Variants in CPA6 observed in about 807,000 individuals in gnomAD.
CPA6 encodes carboxypeptidase B.
Under a neutral mutation model 63.3 loss-of-function variants are expected in CPA6, and 58 were observed. The ratio of observed to expected loss-of-function variants is 0.92; its 90% CI spans 0.74 to 1.14. The LOEUF (loss-of-function observed/expected upper bound fraction) is 1.14, where lower values mean the gene tolerates loss of function less well. CPA6 is among the 50% of genes most tolerant of loss of function. The pLI is 0.00. For missense variants in CPA6, 565 were observed against 526.6 expected, an observed-to-expected ratio of 1.07 and a Z score of -0.71; for synonymous variants, 185 against 179.0, an observed-to-expected ratio of 1.03 and a Z score of -0.27.
At chr8:67,449,583 G>A (rs943338824) in intron 8 of CPA6, among the ~76,000 whole-genome samples, 15 of 152,030 alleles carry the variant, frequency 9.9e-5, no homozygotes, top group African/African-American at 1.9e-4. Flanking sequence ...ATATTGAGTC[G>A]TCCTATCCAA....
chr8:67,425,011 C>G (rs771625012), intron 10 of CPA6, among the ~76,000 whole-genome samples: 4 of 152,156 alleles, frequency 2.6e-5, no homozygotes, highest in Non-Finnish European at 4.4e-5. Flanking sequence ...GTGCCTCAGT[C>G]TCCCTTTTTG....
At chr8:67,440,951 A>T (rs1203319590) in intron 8 of CPA6, among the ~76,000 whole-genome samples, 3 of 152,168 alleles carry the variant, frequency 2.0e-5, no homozygotes, top group Non-Finnish European at 4.4e-5. Flanking sequence ...TATTGTAAGG[A>T]CAACTCACTG....
intron 6 of CPA6, among the ~76,000 whole-genome samples, chr8:67,491,991 T>G (rs1811616310): frequency 1.3e-5 from 2 of 152,346 alleles, no homozygotes; most frequent in East Asian, 3.9e-4. Context: ...TGTCCTTGTT[T>G]CCCGGTGATA....
intron 1 of CPA6, among the ~76,000 whole-genome samples, chr8:67,716,176 A>AT (rs1817377060): frequency 7.2e-6 from 1 of 138,668 alleles, no homozygotes; most frequent in Non-Finnish European, 1.6e-5. Flanking sequence ...AAAAAAAAAA[A>AT]AGGAGAGAGA....
chr8:67,684,372 T>C (rs1816667732), intron 1 of CPA6, among the ~76,000 whole-genome samples: 1 of 152,130 alleles, frequency 6.6e-6, no homozygotes, highest in Non-Finnish European at 1.5e-5. Flanking sequence ...GTTCTCTTAC[T>C]AAAAATGCAA....
intron 1 of CPA6, among the ~76,000 whole-genome samples, chr8:67,701,686 A>T (rs1265067171): frequency 6.6e-6 from 1 of 152,202 alleles, no homozygotes; most frequent in African/African-American, 2.4e-5. Flanking sequence ...GAGAAACGCA[A>T]ATCACTGAAG....
chr8:67,703,764 C>T (rs903484082), intron 1 of CPA6, among the ~76,000 whole-genome samples: 2 of 152,214 alleles, frequency 1.3e-5, no homozygotes, highest in African/African-American at 4.8e-5. Flanking sequence ...AGGATAAACA[C>T]TAATCAGAAC....
chr8:67,498,258 G>T (rs1389639215), intron 6 of CPA6, among the ~76,000 whole-genome samples: 1 of 152,032 alleles, frequency 6.6e-6, no homozygotes, highest in Non-Finnish European at 1.5e-5. Context: ...ACTTTAGGTT[G>T]GACATGGTGG....
At chr8:67,591,271 C>A (rs886484589) in intron 2 of CPA6, among the ~76,000 whole-genome samples, 1 of 152,144 alleles carries the variant, frequency 6.6e-6, no homozygotes, top group Admixed American at 6.5e-5. Flanking sequence ...CAGTACCATG[C>A]TGTTTTGGTT....
intron 6 of CPA6, among the ~76,000 whole-genome samples, chr8:67,487,536 T>C (rs959583278): frequency 1.3e-5 from 2 of 152,194 alleles, no homozygotes; most frequent in African/African-American, 4.8e-5. Flanking sequence ...GTCTTTATAG[T>C]AGCATGATTT....
intron 1 of CPA6, among the ~76,000 whole-genome samples, chr8:67,643,566 G>A (rs1392782849): frequency 6.6e-6 from 1 of 151,710 alleles, no homozygotes; most frequent in Non-Finnish European, 1.5e-5. Context: ...TAAATCAACT[G>A]AGCAATAAAA....
At chr8:67,498,663 G>A (rs895908011) in intron 6 of CPA6, among the ~76,000 whole-genome samples, 2 of 151,564 alleles carry the variant, frequency 1.3e-5, no homozygotes, top group Non-Finnish European at 2.9e-5. Flanking sequence ...GCATGTCTGT[G>A]TTCATCTTTT....
Position 67,428,035 on chromosome 8 carries a change from C to T in CPA6, c.1126+12G>A. On this transcript the variant is annotated intron_variant, in intron 10 of 10. Transcript: ENST00000297770. Reference sequence around the variant, plus strand: ...AGAGAGGATTCTAACACAATGTACGCAGGAAACTTACACAACGTTGTGGAG... The same window carrying T: ...AGAGAGGATTCTAACACAATGTACGTAGGAAACTTACACAACGTTGTGGAG... 3 of 1,571,756 alleles carry T rather than the reference C, an allele frequency of 1.9e-6. No homozygotes were observed. Among genetic ancestry groups the T allele is most frequent in the Non-Finnish European group, 2.6e-6 (3 of 1,142,442 alleles).
chr8:67,732,830 C>A (rs559452526), intron 1 of CPA6, among the ~76,000 whole-genome samples: 1 of 152,182 alleles, frequency 6.6e-6, no homozygotes, highest in South Asian at 2.1e-4. Context: ...GAACCAAGGG[C>A]GAGTGACTGT....
chr8:67,537,285 T>C (rs1195554121), intron 2 of CPA6, among the ~76,000 whole-genome samples: 4 of 152,232 alleles, frequency 2.6e-5, no homozygotes, highest in African/African-American at 9.6e-5. Flanking sequence ...AGCTCCTGTT[T>C]GTATCTCTGG....
intron 2 of CPA6, among the ~76,000 whole-genome samples, chr8:67,582,715 A>G (rs1813808466): frequency 6.9e-6 from 1 of 145,654 alleles, no homozygotes; most frequent in South Asian, 2.2e-4. Context: ...TAGCATTATT[A>G]TAGTTGAAAT....
At chr8:67,693,575 T>C (rs1456996049) in intron 1 of CPA6, among the ~76,000 whole-genome samples, 1 of 152,220 alleles carries the variant, frequency 6.6e-6, no homozygotes, top group Non-Finnish European at 1.5e-5. Context: ...GTGATTAGGT[T>C]GTAAAGGCAG....
rs1236358140 is a variant in CPA6 at position 67,583,486 on chromosome 8, G to GATTGT, written c.192+40685_192+40689dup. Among the ~76,000 whole-genome samples the GATTGT allele has an allele frequency of 9.2e-5, 14 of 152,266 alleles. No individual in the cohort carries two copies. In the East Asian group the frequency reaches 2.7e-3, roughly 29 times the overall value. On this transcript the variant is annotated intron_variant, in intron 2 of 10. Transcript: ENST00000297770. ...CAGCTTGTGATAGGCCTAAGTGGGG[G>GATTGT]ATTGTATGGTGAATTGTGGCTGAAT...
intron 3 of CPA6, among the ~76,000 whole-genome samples, chr8:67,516,957 C>A (rs1324126161): frequency 1.3e-5 from 2 of 152,136 alleles, no homozygotes; most frequent in Admixed American, 6.5e-5. Flanking sequence ...CCACTACACC[C>A]AGCTAATTTT....
Sources: allele counts gnomAD v4.1 joint callset (sites outside exome capture counted in the v4.1 genomes callset), GRCh38; gene constraint gnomAD v4.1.1; transcripts MANE v1.5; gene names NCBI Gene and HGNC (gene_info 2026-07-23, HGNC 2026-07-21).